PCOLCE2: variants seen among roughly 807,000 people sequenced by gnomAD.
The protein encoded by PCOLCE2 is procollagen C-endopeptidase enhancer 2, also known as procollagen C-proteinase enhancer 2.
Under a neutral mutation model 47.0 loss-of-function variants are expected in PCOLCE2, and 42 were observed. That is an observed-to-expected ratio of 0.89 (90% CI 0.70 to 1.16). PCOLCE2 has a LOEUF of 1.16. PCOLCE2 is among the 50% of genes most tolerant of loss of function. The probability of loss-of-function intolerance (pLI) is 0.00; values close to 1 mark genes in which losing one functional copy is unlikely to be tolerated. For synonymous variants in PCOLCE2, 169 were observed against 191.7 expected (o/e 0.88, Z 0.98); for missense variants, 500 against 526.1 (o/e 0.95, Z 0.49).
At chr3:142,869,499 C>T (rs1313020097) in intron 2 of PCOLCE2, among the ~76,000 whole-genome samples, 1 of 152,170 alleles carries the variant, frequency 6.6e-6, no homozygotes, top group Non-Finnish European at 1.5e-5. Context: ...CCTTCCCTTT[C>T]CAGATCTTCT....
At chr3:142,867,837 T>C (rs1302717455) in intron 2 of PCOLCE2, among the ~76,000 whole-genome samples, 1 of 152,224 alleles carries the variant, frequency 6.6e-6, no homozygotes, top group African/African-American at 2.4e-5. Context: ...TACCTATATA[T>C]ATAAATAAAT....
chr3:142,818,057 G>A lies in PCOLCE2; in HGVS notation c.*278C>T, dbSNP rs1476117855. The A allele has an allele frequency of 7.3e-6, 2 of 274,416 alleles. No homozygotes were observed. The highest frequency in any genetic ancestry group is 7.8e-5 in the South Asian group (1 of 12,788). 17.0% of individuals were successfully genotyped at this position (274,416 alleles called of 1,614,324 possible). On this transcript the variant is annotated 3_prime_UTR_variant, in exon 9 of 9. Transcript: ENST00000295992. ...CTTTTACAGAGATGTATAAATAAAC[G>A]CTTCCAAGCTGTCAACGCTTGACAC... is the stretch of plus-strand genomic sequence containing the variant.
At chr3:142,867,575 G>A (rs1338213231) in intron 2 of PCOLCE2, among the ~76,000 whole-genome samples, 1 of 152,100 alleles carries the variant, frequency 6.6e-6, no homozygotes, top group Non-Finnish European at 1.5e-5. Context: ...AAGACTTAAT[G>A]TACACTTCAC....
intron 3 of PCOLCE2, among the ~76,000 whole-genome samples, chr3:142,844,152 G>T (rs1375517764): frequency 6.6e-6 from 1 of 152,078 alleles, no homozygotes; most frequent in Non-Finnish European, 1.5e-5. Context: ...CTGAAAAATG[G>T]ATATACCTGT....
intron 2 of PCOLCE2, among the ~76,000 whole-genome samples, chr3:142,863,657 C>T (rs1303631980): frequency 3.9e-5 from 6 of 152,116 alleles, no homozygotes; most frequent in Non-Finnish European, 5.9e-5. Context: ...AGCAACAACC[C>T]GAGGGCACAT....
At chr3:142,825,831 T>A (rs1937070431) in intron 6 of PCOLCE2, among the ~76,000 whole-genome samples, 1 of 151,748 alleles carries the variant, frequency 6.6e-6, no homozygotes, top group African/African-American at 2.4e-5. Flanking sequence ...TTCAGAGAAA[T>A]CTGTTTTTCC....
chr3:142,851,024 G>GT (rs1932928368), intron 2 of PCOLCE2, among the ~76,000 whole-genome samples: 1 of 152,190 alleles, frequency 6.6e-6, no homozygotes, highest in Non-Finnish European at 1.5e-5. Flanking sequence ...AGCAGGGACA[G>GT]TTTTGCCCAA....
intron 2 of PCOLCE2, among the ~76,000 whole-genome samples, chr3:142,871,849 C>T (rs549252358): frequency 1.3e-5 from 2 of 152,240 alleles, no homozygotes; most frequent in South Asian, 4.1e-4. Flanking sequence ...TATATACATA[C>T]ATATTTTTAT....
intron 2 of PCOLCE2, among the ~76,000 whole-genome samples, chr3:142,849,536 T>A (rs964161943): frequency 2.0e-5 from 3 of 152,158 alleles, no homozygotes; most frequent in African/African-American, 7.2e-5. Context: ...ATTCCCTGAG[T>A]AGGTAGAAAA....
chr3:142,842,809 G>T lies in PCOLCE2; in HGVS notation c.573+115C>A. ...TGTGTCCAGGAACCTTCCTCTTCTT[G>T]TATCCCTTAGCTCTCGAATAGCCCC... On this transcript the variant is annotated intron_variant, in intron 4 of 8. Coordinates refer to ENST00000295992, the MANE Select transcript of PCOLCE2 (RefSeq NM_013363.4). The surrounding 1 kb of genome is among the most constrained non-coding windows in gnomAD (Gnocchi z 4.1). 1 of 933,420 alleles carries T rather than the reference G, an allele frequency of 1.1e-6. No homozygotes were observed. Among genetic ancestry groups the T allele is most frequent in the Non-Finnish European group, 1.7e-6 (1 of 604,836 alleles). 57.8% of individuals were successfully genotyped at this position (933,420 alleles called of 1,614,324 possible).
chr3:142,875,870 A>G (rs533366054), intron 2 of PCOLCE2, among the ~76,000 whole-genome samples: 1 of 152,334 alleles, frequency 6.6e-6, no homozygotes, highest in African/African-American at 2.4e-5. Flanking sequence ...AACATAAAGA[A>G]GCAAACCAAA....
chr3:142,818,557 C>G, intron 8 of PCOLCE2, 92 bp from the exon 9 acceptor site: 1 of 982,638 alleles, frequency 1.0e-6, no homozygotes, highest in East Asian at 2.4e-5. Context: ...TAAATGTTCT[C>G]TTCTGCAAAT....
intron 2 of PCOLCE2, among the ~76,000 whole-genome samples, chr3:142,857,958 C>A (rs538827573): frequency 6.6e-6 from 1 of 152,334 alleles, no homozygotes; most frequent in African/African-American, 2.4e-5. Flanking sequence ...CACACCTGGC[C>A]CCTTTCCTTT....
At chr3:142,861,004 C>T (rs1298236141) in intron 2 of PCOLCE2, among the ~76,000 whole-genome samples, 1 of 152,220 alleles carries the variant, frequency 6.6e-6, no homozygotes, top group Non-Finnish European at 1.5e-5. Context: ...GGAGATCATC[C>T]TCCTTTAGTT....
intron 6 of PCOLCE2, chr3:142,827,469 C>G: frequency 3.9e-6 from 6 of 1,531,040 alleles, no homozygotes; most frequent in Non-Finnish European, 5.4e-6. Flanking sequence ...ATAGCAGTGG[C>G]ATAGTTCCCT....
At chr3:142,846,957 G>C (rs1196173161) in intron 3 of PCOLCE2, among the ~76,000 whole-genome samples, 2 of 152,170 alleles carry the variant, frequency 1.3e-5, no homozygotes, top group East Asian at 3.9e-4. Flanking sequence ...GTTACCTTGA[G>C]ATCAGTTCTT....
At chr3:142,877,522 G>A (rs1456140573) in intron 2 of PCOLCE2, among the ~76,000 whole-genome samples, 1 of 152,178 alleles carries the variant, frequency 6.6e-6, no homozygotes, top group African/African-American at 2.4e-5. Context: ...TTGAGTGCCT[G>A]CTTGTGCCAA....
Position 142,820,968 on chromosome 3 carries a change from TG to T in PCOLCE2, c.1026del (p.Tyr342Ter), listed in dbSNP as rs1395976898. The T allele has an allele frequency of 1.2e-6, 2 of 1,614,060 alleles. No homozygotes were observed. Among genetic ancestry groups the T allele is most frequent in the Non-Finnish European group, 1.7e-6 (2 of 1,179,984 alleles). On this transcript the variant is annotated frameshift_variant, in exon 8 of 9. Coordinates refer to ENST00000295992, the MANE Select transcript of PCOLCE2 (RefSeq NM_013363.4). LOFTEE classifies it high-confidence loss of function. ...TGCTGAATCGCCAAATTTCCCTCTT[TG>T]TAGATGTTGATGATCGAGACTGTGG... ...LHATVSIINIYKEGNLAIQQA... is the reference protein window; with the variant it reads ...LHATVSIINIXKEGNLAIQQA...
intron 2 of PCOLCE2, among the ~76,000 whole-genome samples, chr3:142,870,357 G>A (rs1418750870): frequency 6.6e-6 from 1 of 152,170 alleles, no homozygotes; most frequent in Non-Finnish European, 1.5e-5. Flanking sequence ...AGCAATGAAC[G>A]TGTCCCTGAT....
Sources: gnomAD v4.1 joint callset for allele counts (sites outside exome capture counted in the v4.1 genomes callset) on GRCh38, gnomAD v4.1.1 for gene constraint, Gnocchi (gnomAD v3.1) non-coding constraint, MANE v1.5 for transcripts, NCBI Gene and HGNC (gene_info 2026-07-23, HGNC 2026-07-21) for gene names.